The following RYR2 variants were observed in gnomAD, a reference collection of about 807,000 sequenced individuals.
The protein encoded by RYR2 is ryanodine receptor 2.
RYR2 carries 227 observed loss-of-function variants against 601.1 expected under a neutral mutation model. The ratio of observed to expected loss-of-function variants is 0.38; its 90% CI spans 0.34 to 0.42. The LOEUF (loss-of-function observed/expected upper bound fraction) is 0.42. Among genes scored for constraint, RYR2 ranks in the 10% least tolerant of loss-of-function variants. RYR2 has a pLI of 1.00. For synonymous variants in RYR2, 2,223 were observed against 2,175.1 expected, an observed-to-expected ratio of 1.02 and a Z score of -0.61; for missense variants, 4,646 against 6,156.5, an observed-to-expected ratio of 0.75 and a Z score of 8.21.
intron 24 of RYR2, among the ~76,000 whole-genome samples, chr1:237,526,600 G>A (rs958801152): frequency 2.8e-4 from 43 of 152,112 alleles, no homozygotes; most frequent in African/African-American, 1.0e-3. Flanking sequence ...TCCTGCCTCG[G>A]CCTCCCAAAG....
chr1:237,348,006 T>C (rs1698443460), intron 3 of RYR2, among the ~76,000 whole-genome samples: 1 of 152,146 alleles, frequency 6.6e-6, no homozygotes. Flanking sequence ...GGGCAGAGAT[T>C]AAGGCAGAGG....
intron 1 of RYR2, among the ~76,000 whole-genome samples, chr1:237,100,973 G>A (rs1668023536): frequency 2.0e-5 from 3 of 151,858 alleles, no homozygotes; most frequent in Non-Finnish European, 2.9e-5. Context: ...ATGTTGGGAT[G>A]GCTTGTCTTT....
At chr1:237,221,051 G>A (rs760372863) in intron 1 of RYR2, among the ~76,000 whole-genome samples, 66 of 152,088 alleles carry the variant, frequency 4.3e-4, no homozygotes, top group Admixed American at 1.4e-3. Context: ...AGCCGAGATC[G>A]CGCCACTGCA....
chr1:237,818,056 G>A (rs754171545), intron 100 of RYR2, among the ~76,000 whole-genome samples: 10 of 152,202 alleles, frequency 6.6e-5, no homozygotes, highest in Non-Finnish European at 1.5e-4. Context: ...GGTATGGGGA[G>A]AGCGGAGAGA....
chr1:237,590,571 A>C, intron 30 of RYR2, 69 bp from the exon 31 acceptor site: 1 of 1,286,054 alleles, frequency 7.8e-7, no homozygotes, highest in South Asian at 1.6e-5. Flanking sequence ...GATGTGCCTT[A>C]GTCATCTTTA....
chr1:237,145,158 G>C (rs929303178), intron 1 of RYR2, among the ~76,000 whole-genome samples: 4 of 151,530 alleles, frequency 2.6e-5, no homozygotes, highest in African/African-American at 9.7e-5. Flanking sequence ...ACCATGGCAC[G>C]TATATACCTA....
At chr1:237,431,442 T>C (rs916332722) in intron 12 of RYR2, among the ~76,000 whole-genome samples, 2 of 152,182 alleles carry the variant, frequency 1.3e-5, no homozygotes, top group African/African-American at 2.4e-5. Context: ...ATTTTGATGA[T>C]GAACAGTGTT....
intron 77 of RYR2, among the ~76,000 whole-genome samples, chr1:237,731,659 A>G (rs1375134648): frequency 6.6e-6 from 1 of 152,162 alleles, no homozygotes; most frequent in African/African-American, 2.4e-5. Flanking sequence ...TTTAAATGAT[A>G]TAAGTTATCC....
chr1:237,718,368 A>G, intron 72 of RYR2, 94 bp from the exon 73 acceptor site: 1 of 628,470 alleles, frequency 1.6e-6, no homozygotes, highest in South Asian at 2.3e-5. Context: ...TCTCAGACGT[A>G]TACTATTTCA....
chr1:237,212,272 A>G (rs995077081), intron 1 of RYR2, among the ~76,000 whole-genome samples: 4 of 152,148 alleles, frequency 2.6e-5, no homozygotes, highest in Non-Finnish European at 5.9e-5. Flanking sequence ...TACGTTGTGG[A>G]CATGTGTTCT....
intron 2 of RYR2, among the ~76,000 whole-genome samples, chr1:237,284,488 T>TA (rs1282905845): frequency 8.0e-6 from 1 of 125,036 alleles, no homozygotes; most frequent in African/African-American, 3.6e-5. Context: ...ATATATATAA[T>TA]ATATAAAATA....
intron 1 of RYR2, among the ~76,000 whole-genome samples, chr1:237,091,050 A>G (rs1441177550): frequency 1.3e-5 from 2 of 152,222 alleles, no homozygotes; most frequent in African/African-American, 4.8e-5. Flanking sequence ...GTGTAGAGTA[A>G]GAGCTTGGTT....
chr1:237,047,079 G>C (rs1393098899), intron 1 of RYR2, among the ~76,000 whole-genome samples: 1 of 152,186 alleles, frequency 6.6e-6, no homozygotes, highest in Non-Finnish European at 1.5e-5. Context: ...CAAAAGCTCA[G>C]AAAGCCAAAT....
intron 100 of RYR2, among the ~76,000 whole-genome samples, chr1:237,815,532 C>G (rs926565618): frequency 2.6e-5 from 4 of 152,140 alleles, no homozygotes; most frequent in African/African-American, 4.8e-5. Context: ...TAATCAGATG[C>G]ACAAGACTGT....
intron 1 of RYR2, among the ~76,000 whole-genome samples, chr1:237,255,744 A>C (rs1415156494): frequency 4.0e-5 from 6 of 151,780 alleles, no homozygotes; most frequent in African/African-American, 1.2e-4. Context: ...TGACTATATC[A>C]GTTCTTCTGT....
Position 237,678,055 on chromosome 1 carries a change from C to T in RYR2, c.8838C>T (p.Gly2946=), listed in dbSNP as rs758912397. The change falls in exon 61 of 105, where the codon GGC becomes GGT. Residue 2946 remains glycine (G), a synonymous_variant. Transcript: ENST00000366574. ...AACTCTTCAAATCTACAGATGGTGGCAGCAGAGGCAAAGGAGAACATTTCC... is the reference window on the plus strand; with the variant it reads ...AACTCTTCAAATCTACAGATGGTGGTAGCAGAGGCAAAGGAGAACATTTCC... ...AHQYILEFDG[G]SRGKGEHFPY... 1.3e-6 allele frequency: 2 copies of T among 1,598,406 alleles called. No individual in the cohort carries two copies. Among genetic ancestry groups the T allele is most frequent in the Non-Finnish European group, 1.7e-6 (2 of 1,167,072 alleles).
At chr1:237,394,514 C>T (rs1327324348) in intron 10 of RYR2, among the ~76,000 whole-genome samples, 3 of 152,226 alleles carry the variant, frequency 2.0e-5, no homozygotes, top group Non-Finnish European at 4.4e-5. Flanking sequence ...GCTGCTTTAG[C>T]ACCTGCCTGC....
Position 237,732,096 on chromosome 1 carries a change from T to A in RYR2, c.10986T>A (p.Asp3662Glu), listed in dbSNP as rs1170793816. The change falls in exon 78 of 105, where the codon GAT (aspartate) becomes GAA (glutamate). Residue 3662 changes from aspartate to glutamate, a missense_variant. Asp to Glu is a conservative substitution (Grantham distance 45). Transcript: ENST00000366574. ...PEEDEGTKRV[D>E]PLHQLILLFS... ...AAGATGAAGGCACTAAGAGAGTTGA[T>A]CCTCTACATCAGCTGATCCTTCTGT... The A allele has an allele frequency of 1.2e-6, 2 of 1,611,920 alleles. No individual in the cohort carries two copies. Among genetic ancestry groups the A allele is most frequent in the Non-Finnish European group, 8.5e-7 (1 of 1,178,614 alleles).
intron 2 of RYR2, among the ~76,000 whole-genome samples, chr1:237,317,299 G>A (rs190097208): frequency 5.8e-4 from 89 of 152,212 alleles, no homozygotes; most frequent in African/African-American, 2.0e-3. Flanking sequence ...ACGTCAACAT[G>A]GTCAAAATTA....
Sources: allele counts gnomAD v4.1 joint callset (sites outside exome capture counted in the v4.1 genomes callset), GRCh38; gene constraint gnomAD v4.1.1; transcripts MANE v1.5; gene names NCBI Gene and HGNC (gene_info 2026-07-23, HGNC 2026-07-21).